TNXB: variants seen among roughly 807,000 people sequenced by gnomAD.
TNXB encodes tenascin-X.
A neutral mutation model predicts 340.5 loss-of-function variants in TNXB; 183 were observed. That is an observed-to-expected ratio of 0.54 (90% CI 0.48 to 0.61). The LOEUF is 0.61. TNXB is among the 20% of genes least tolerant of loss of function. The probability of loss-of-function intolerance (pLI) is 0.00; values close to 1 mark genes in which losing one functional copy is unlikely to be tolerated. For synonymous variants in TNXB, 2,121 were observed against 2,314.5 expected (o/e 0.92, Z 2.40); for missense variants, 4,613 against 5,446.4 (o/e 0.85, Z 4.82).
In TNXB at chr6:32,055,923, T is replaced by G. The variant is rs1386279155; in HGVS notation, c.8395A>C (p.Lys2799Gln). The part of the protein sequence containing the change: ...VTVGGLEPGR[K>Q]YKMHLYGLHE... ...AGGCCGTACAGGTGCATCTTGTATT[T>G]GCGCCCGGGCTCCAGGCCCCCCACG... The change falls in exon 24 of 44, where the codon AAA (lysine) becomes CAA (glutamine). Residue 2799 changes from lysine to glutamine, a missense_variant. Around this residue, in one of 7 missense-constraint regions of TNXB, gnomAD observed 4,327 missense variants for 4,859.4 expected, o/e 0.89. Transcript: ENST00000644971. The G allele has an allele frequency of 6.2e-7, 1 of 1,613,494 alleles. No individual in the cohort carries two copies. Among genetic ancestry groups the G allele is most frequent in the Admixed American group, 1.7e-5 (1 of 60,028 alleles).
intron 11 of TNXB, among the ~76,000 whole-genome samples, chr6:32,077,313 T>G (rs1257327606): frequency 6.6e-6 from 1 of 152,222 alleles, no homozygotes; most frequent in Non-Finnish European, 1.5e-5. Context: ...TTCTCAGGGC[T>G]GACTGAGGCA....
chr6:32,072,186 T>G lies in TNXB; in HGVS notation c.4794A>C (p.Thr1598=). 1 of 1,612,862 alleles carries G rather than the reference T, an allele frequency of 6.2e-7. No individual in the cohort carries two copies. The highest frequency in any genetic ancestry group is 8.5e-7 in the Non-Finnish European group (1 of 1,179,470). The change falls in exon 13 of 44, where the codon ACA becomes ACC. Residue 1598 remains threonine, a synonymous_variant. Coordinates refer to ENST00000644971, the MANE Select transcript of TNXB (RefSeq NM_001365276.2). This position sits in a 1 kb window ranked among gnomAD's most constrained non-coding sequence, Gnocchi z 4.4. ...AGGAGTCGAATTCACCCTCAGGGACTGTCCATGAGAGGCCCACAGAGTCAG... is the reference window on the plus strand; with the variant it reads ...AGGAGTCGAATTCACCCTCAGGGACGGTCCATGAGAGGCCCACAGAGTCAG... The part of the protein sequence containing the change: ...ITPDSVGLSW[T]VPEGEFDSFV...
At position 32,048,431 on chromosome 6, in the gene TNXB, T is replaced by C. The variant is rs1777039262; in HGVS notation, c.9977A>G (p.Tyr3326Cys). The stretch of plus-strand genomic sequence containing the variant: ...CTGGAGTCCAAAGAGCAGGAACTTG[T>C]ACTTGCGGGCCGGGTCCAGCCCCGA... The part of the protein sequence containing the change: ...AVSGLDPARK[Y>C]KFLLFGLQNG... Residue 3326 changes from tyrosine to cysteine, a missense_variant, in exon 29 of 44, where the codon TAC becomes TGC. Physicochemically the swap from Tyr to Cys is radical, Grantham distance 194 (BLOSUM62 -2). Around this residue, in one of 7 missense-constraint regions of TNXB, gnomAD observed 4,327 missense variants for 4,859.4 expected, o/e 0.89. Coordinates refer to ENST00000644971, the MANE Select transcript of TNXB (RefSeq NM_001365276.2). The C allele has an allele frequency of 6.4e-7, 1 of 1,570,086 alleles. No homozygotes were observed. Among genetic ancestry groups the C allele is most frequent in the Non-Finnish European group, 8.7e-7 (1 of 1,155,614 alleles).
At chr6:32,086,624 C>T (rs905643004) in intron 6 of TNXB, among the ~76,000 whole-genome samples, 5 of 152,184 alleles carry the variant, frequency 3.3e-5, no homozygotes, top group Admixed American at 6.5e-5. Flanking sequence ...CCACCCTCCC[C>T]ACAGCAGCCA....
chr6:32,061,352 C>A lies in TNXB; in HGVS notation c.7492+45G>T, dbSNP rs1327497144. ...AAGGGCACAGCAGTAAACCAGGTAC[C>A]CATGAGGGAAAGGTGGTTACCCCGA... is the stretch of plus-strand genomic sequence containing the variant. On this transcript the variant is annotated intron_variant, in intron 21 of 43. Coordinates refer to ENST00000644971, the MANE Select transcript of TNXB (RefSeq NM_001365276.2). This position sits in a 1 kb window ranked among gnomAD's most constrained non-coding sequence, Gnocchi z 4.4. 6.3e-7 allele frequency: 1 copy of A among 1,595,336 alleles called. No individual in the cohort carries two copies. Among genetic ancestry groups the A allele is most frequent in the South Asian group, 1.1e-5 (1 of 90,216 alleles).
rs1192229445 is a variant in TNXB, at chr6:32,108,741, C to T, written c.-9+440G>A. 1.3e-5 allele frequency among the ~76,000 whole-genome samples: 2 copies of T among 152,144 alleles called. No individual in the cohort carries two copies. The highest frequency in any genetic ancestry group is 2.9e-5 in the Non-Finnish European group (2 of 68,020). The stretch of plus-strand genomic sequence containing the variant: ...GAGCCTGGGCTCAGCTGCTCTAGCC[C>T]GACATTTGGGATTCCGCAAGCACTT... On this transcript the variant is annotated intron_variant, in intron 1 of 43. Coordinates refer to ENST00000644971, the MANE Select transcript of TNXB (RefSeq NM_001365276.2). This position sits in a 1 kb window ranked among gnomAD's most constrained non-coding sequence, Gnocchi z 4.8.
rs1245911388 is a variant in TNXB, at chr6:32,068,320, A to G, written c.6220+70T>C. On this transcript the variant is annotated intron_variant, in intron 17 of 43. Coordinates refer to ENST00000644971, the MANE Select transcript of TNXB (RefSeq NM_001365276.2). This position sits in a 1 kb window ranked among gnomAD's most constrained non-coding sequence, Gnocchi z 5.3. ...CCAGACCCTTGTCCCATTCCCCACC[A>G]GTCATCACCAAAGAGCAAGAGGGTG... 3.2e-6 allele frequency: 5 copies of G among 1,559,688 alleles called. No homozygotes were observed. The highest frequency in any genetic ancestry group is 4.3e-6 in the Non-Finnish European group (5 of 1,150,178).
chr6:32,097,253 A>G lies in TNXB; in HGVS notation c.600T>C (p.Gly200=). ...TGTAGCCGGGAAAGCACACGCAACGACCACGGACACAGCGACCCTGATCAT... is the reference window on the plus strand; with the variant it reads ...TGTAGCCGGGAAAGCACACGCAACGGCCACGGACACAGCGACCCTGATCAT... ...DCNDQGRCVR[G]RCVCFPGYTG... is the part of the protein sequence containing the mutation. The change falls in exon 3 of 44, where the codon GGT becomes GGC. Residue 200 remains glycine, a synonymous_variant. Transcript: ENST00000644971. This position sits in a 1 kb window ranked among gnomAD's most constrained non-coding sequence, Gnocchi z 5.9. The G allele has an allele frequency of 6.2e-7, 1 of 1,611,040 alleles. No individual in the cohort carries two copies. Among genetic ancestry groups the G allele is most frequent in the Non-Finnish European group, 8.5e-7 (1 of 1,178,734 alleles).
chr6:32,062,353 C>G lies in TNXB; in HGVS notation c.6972G>C (p.Thr2324=). Residue 2324 remains threonine, a synonymous_variant, in exon 20 of 44, where the codon ACG becomes ACC. Transcript: ENST00000644971. This position sits in a 1 kb window ranked among gnomAD's most constrained non-coding sequence, Gnocchi z 4.3. Reference sequence around the variant, plus strand: ...AGTGGTCAAACTGTCCCTCGGGAACCGTCCAGGACAGGCTGAGGGAGTCAG... The same window carrying G: ...AGTGGTCAAACTGTCCCTCGGGAACGGTCCAGGACAGGCTGAGGGAGTCAG... ...ATPDSLSLSW[T]VPEGQFDHFL... is the part of the protein sequence containing the mutation. 6.2e-7 allele frequency: 1 copy of G among 1,613,540 alleles called. No homozygotes were observed. Among genetic ancestry groups the G allele is most frequent in the Non-Finnish European group, 8.5e-7 (1 of 1,179,892 alleles).
At chr6:32,045,856 T>G in intron 31 of TNXB, 1 of 1,146,812 alleles carries the variant, frequency 8.7e-7, no homozygotes, top group South Asian at 3.9e-5. Context: ...TGCCGCTATC[T>G]GGACAAGGCC....
chr6:32,067,940 C>T lies in TNXB; in HGVS notation c.6265G>A (p.Ala2089Thr), dbSNP rs773384119. 1 of 1,612,508 alleles carries T rather than the reference C, an allele frequency of 6.2e-7. No homozygotes were observed. The highest frequency in any genetic ancestry group is 2.2e-5 in the East Asian group (1 of 44,870). The change falls in exon 18 of 44, where the codon GCC becomes ACC. Residue 2089 changes from alanine (A) to threonine (T), a missense_variant. By Grantham distance (58) the Ala-to-Thr change is moderately conservative (BLOSUM62 0). This residue lies in a region of TNXB where 4,327 missense variants were observed against 4,859.4 expected (regional missense o/e 0.89). Transcript: ENST00000644971. This position sits in a 1 kb window ranked among gnomAD's most constrained non-coding sequence, Gnocchi z 4.2. ...AGCGGCTCCTCAGCGGGCTCCGGGGCCTCCATGCTGGGTTCTGTGGGGCTG... is the reference window on the plus strand; with the variant it reads ...AGCGGCTCCTCAGCGGGCTCCGGGGTCTCCATGCTGGGTTCTGTGGGGCTG... ...TPSPTEPSME[A>T]PEPAEEPLLG...
chr6:32,061,353 C>T lies in TNXB; in HGVS notation c.7492+44G>A. On this transcript the variant is annotated intron_variant, in intron 21 of 43. Coordinates refer to ENST00000644971, the MANE Select transcript of TNXB (RefSeq NM_001365276.2). The surrounding 1 kb of genome is among the most constrained non-coding windows in gnomAD (Gnocchi z 4.4). Reference sequence around the variant, plus strand: ...AGGGCACAGCAGTAAACCAGGTACCCATGAGGGAAAGGTGGTTACCCCGAG... The same window carrying T: ...AGGGCACAGCAGTAAACCAGGTACCTATGAGGGAAAGGTGGTTACCCCGAG... 6.3e-7 allele frequency: 1 copy of T among 1,595,898 alleles called. No individual in the cohort carries two copies. Among genetic ancestry groups the T allele is most frequent in the South Asian group, 1.1e-5 (1 of 90,282 alleles).
At position 32,068,026 on chromosome 6, in the gene TNXB, A is replaced by G. The variant is rs750348455; in HGVS notation, c.6221-42T>C. 15 of 1,591,604 alleles carry G rather than the reference A, an allele frequency of 9.4e-6. No homozygotes were observed. Among genetic ancestry groups the G allele is most frequent in the Non-Finnish European group, 1.2e-5 (14 of 1,167,302 alleles). On this transcript the variant is annotated intron_variant, in intron 17 of 43. Coordinates refer to ENST00000644971, the MANE Select transcript of TNXB (RefSeq NM_001365276.2). This position sits in a 1 kb window ranked among gnomAD's most constrained non-coding sequence, Gnocchi z 5.3. Reference sequence around the variant, plus strand: ...GAGAGTGAGGGGGATGTCCTTGGGTACTGGGGAAAAGGAGGGAGAAGCCAA... The same window carrying G: ...GAGAGTGAGGGGGATGTCCTTGGGTGCTGGGGAAAAGGAGGGAGAAGCCAA...
At position 32,097,359 on chromosome 6, in the gene TNXB, G is replaced by T. The variant is rs779024434; in HGVS notation, c.494C>A (p.Pro165His). Residue 165 changes from proline to histidine, a missense_variant, in exon 3 of 44, where the codon CCC becomes CAC. Pro to His is a moderately conservative substitution (Grantham distance 77). Around this residue, in one of 7 missense-constraint regions of TNXB, gnomAD observed 4,327 missense variants for 4,859.4 expected, o/e 0.89. Transcript: ENST00000644971. The surrounding 1 kb of genome is among the most constrained non-coding windows in gnomAD (Gnocchi z 5.9). ...TCSCEPGWGG[P>H]TCSDPTDAEI... is the part of the protein sequence containing the mutation. ...AGCATCTGTGGGGTCTGAGCAGGTG[G>T]GCCCACCCCAGCCTGGCTCACAGGA... is the stretch of plus-strand genomic sequence containing the variant. The T allele has an allele frequency of 1.2e-6, 2 of 1,612,914 alleles. No homozygotes were observed. The highest frequency in any genetic ancestry group is 8.5e-7 in the Non-Finnish European group (1 of 1,179,840).
chr6:32,057,561 C>A (rs1777741665), intron 22 of TNXB, among the ~76,000 whole-genome samples: 1 of 152,210 alleles, frequency 6.6e-6, no homozygotes, highest in Non-Finnish European at 1.5e-5. Context: ...TGGGCAACCA[C>A]ATCCTCATCC....
At chr6:32,043,354 C>G (rs1429081580) in intron 36 of TNXB, 36 bp from the exon 37 acceptor site, 2 of 415,188 alleles carry the variant, frequency 4.8e-6, no homozygotes, top group Non-Finnish European at 8.2e-6. Context: ...GGCCTGCCCC[C>G]TCCATCCTCG....
At position 32,067,055 on chromosome 6, in the gene TNXB, G is replaced by A. The variant is rs937710720; in HGVS notation, c.6544+606C>T. 4.7e-5 allele frequency among the ~76,000 whole-genome samples: 7 copies of A among 149,346 alleles called. No individual in the cohort carries two copies. Among genetic ancestry groups the A allele is most frequent in the Non-Finnish European group, 8.9e-5 (6 of 67,586 alleles). On this transcript the variant is annotated intron_variant, in intron 18 of 43. Coordinates refer to ENST00000644971, the MANE Select transcript of TNXB (RefSeq NM_001365276.2). The surrounding 1 kb of genome is among the most constrained non-coding windows in gnomAD (Gnocchi z 4.2). ...TGTGCCAGTACACTCTAGCCCAGGC[G>A]ACAGAGTGAGACCTTGTCTAAAAAG...
chr6:32,085,653 A>C lies in TNXB; in HGVS notation c.3148+97T>G. The C allele has an allele frequency of 7.3e-7, 1 of 1,371,896 alleles. No homozygotes were observed. The highest frequency in any genetic ancestry group is 9.6e-7 in the Non-Finnish European group (1 of 1,043,290). 85.0% of individuals were successfully genotyped at this position (1,371,896 alleles called of 1,614,324 possible). ...GCCCCAAACATCAGCCCTGCCCTTC[A>C]CTGGCCCCTCAATATCCATCCTACC... On this transcript the variant is annotated intron_variant, in intron 7 of 43. Coordinates refer to ENST00000644971, the MANE Select transcript of TNXB (RefSeq NM_001365276.2). This position sits in a 1 kb window ranked among gnomAD's most constrained non-coding sequence, Gnocchi z 6.4.
chr6:32,088,723 C>G (rs1779931190), intron 6 of TNXB, 62 bp downstream of exon 6: 7 of 1,527,896 alleles, frequency 4.6e-6, no homozygotes, highest in Non-Finnish European at 6.2e-6. Flanking sequence ...GCCTGGGCTC[C>G]TGAGGAGGAG....
Sources: allele counts gnomAD v4.1 joint callset (sites outside exome capture counted in the v4.1 genomes callset), GRCh38; gene constraint gnomAD v4.1.1; regional missense constraint gnomAD v4.1.1; non-coding constraint Gnocchi (gnomAD v3.1); transcripts MANE v1.5; gene names NCBI Gene and HGNC (gene_info 2026-07-23, HGNC 2026-07-21).